Variants in MESD observed in about 807,000 individuals in gnomAD.
MESD encodes the protein mesoderm development LRP chaperone, also known as LRP chaperone MESD.
MESD carries 7 observed loss-of-function variants against 12.9 expected under a neutral mutation model. The observed-to-expected ratio is 0.54, with a 90% CI of 0.31 to 1.02. The LOEUF (loss-of-function observed/expected upper bound fraction) is 1.02, where lower values mean the gene tolerates loss of function less well. Among genes scored for constraint, MESD ranks in the 50% least tolerant of loss-of-function variants. MESD has a pLI of 0.05. For missense variants in MESD, 342 were observed against 296.7 expected (o/e 1.15, Z -1.12); for synonymous variants, 126 against 115.6 (o/e 1.09, Z -0.58).
chr15:80,955,502 A>AAAAAAAAAAAAAAAAAAAAAAAG (rs1483500188), intron 3 of MESD, among the ~76,000 whole-genome samples: 1 of 143,348 alleles, frequency 7.0e-6, no homozygotes, highest in African/African-American at 3.0e-5. Flanking sequence ...AAAAAAAAAA[A>AAAAAAAAAAAAAAAAAAAAAAAG]AAAGAAATGC....
At chr15:80,973,879 C>G (rs1336487165), downstream of MESD, among the ~76,000 whole-genome samples, 1 of 152,160 alleles carries the variant, frequency 6.6e-6, no homozygotes, top group African/African-American at 2.4e-5. Context: ...TGCCTCCTGC[C>G]TTTGCCCAAA....
chr15:80,983,389 G>C (rs768821300), intron 1 of MESD, among the ~76,000 whole-genome samples: 5 of 152,080 alleles, frequency 3.3e-5, no homozygotes, highest in Non-Finnish European at 5.9e-5. Flanking sequence ...TAGTGGTATG[G>C]GCTAGCAATT....
At chr15:80,965,970 G>C (rs543369290) in intron 3 of MESD, among the ~76,000 whole-genome samples, 58 of 151,990 alleles carry the variant, frequency 3.8e-4, no homozygotes, top group Non-Finnish European at 6.3e-4. Flanking sequence ...AAAAAGAAAA[G>C]AAAAAACAAA....
rs145472737 is a variant in MESD at position 80,982,065 on chromosome 15, C to G, written c.331G>C (p.Gly111Arg). 6 of 1,613,956 alleles carry G rather than the reference C, an allele frequency of 3.7e-6. No homozygotes were observed. The African/African-American group carries it at 6.7e-5, about 18-fold the overall frequency. Residue 111 changes from glycine (G) to arginine (R), a missense_variant, in exon 2 of 3, where the codon GGG (glycine) becomes CGG (arginine). Coordinates refer to ENST00000261758, the MANE Select transcript of MESD (RefSeq NM_015154.3). ...GTGACAAACATCATGAGAGTCTTCCCTTTTTTCGTCATTTTCAATATGCTT... is the reference window on the plus strand; with the variant it reads ...GTGACAAACATCATGAGAGTCTTCCGTTTTTTCGTCATTTTCAATATGCTT... Reference protein sequence around the residue: ...PESILKMTKKGKTLMMFVTVS... With the variant: ...PESILKMTKKRKTLMMFVTVS...
chr15:80,968,484 A>AAC (rs1031039904), intron 3 of MESD, among the ~76,000 whole-genome samples: 27 of 152,070 alleles, frequency 1.8e-4, no homozygotes, highest in African/African-American at 6.0e-4. Flanking sequence ...TGAAGCACAA[A>AAC]ACACACACAC....
intron 3 of MESD, among the ~76,000 whole-genome samples, chr15:80,955,165 AG>A (rs1901942071): frequency 6.6e-6 from 1 of 151,580 alleles, no homozygotes; most frequent in Non-Finnish European, 1.5e-5. Context: ...AGCACCACCC[AG>A]GAGTATAACC....
In MESD at chr15:80,982,187, C is replaced by T. The variant is rs753743718; in HGVS notation, c.214-5G>A. The T allele has an allele frequency of 8.1e-6, 13 of 1,611,480 alleles. No homozygotes were observed. The South Asian group carries it at 1.4e-4, about 18-fold the overall frequency. On this transcript the variant is annotated splice_polypyrimidine_tract_variant and splice_region_variant and intron_variant, in intron 1 of 2. Transcript: ENST00000261758. ...TTCTTCAATGTCATCATCTTTCTAT[C>T]AGATTAGGGGAAAAGCATCAAACCT...
intron 3 of MESD, among the ~76,000 whole-genome samples, chr15:80,969,763 G>C (rs1047764951): frequency 6.6e-6 from 1 of 152,182 alleles, no homozygotes; most frequent in Non-Finnish European, 1.5e-5. Context: ...TCTGAGGCAG[G>C]AGAATCACTT....
At chr15:80,966,642 T>G (rs972795823) in intron 3 of MESD, among the ~76,000 whole-genome samples, 2 of 152,184 alleles carry the variant, frequency 1.3e-5, no homozygotes, top group African/African-American at 4.8e-5. Flanking sequence ...CACTCATGCC[T>G]GCTCAAATCT....
At chr15:80,982,483 G>T (rs1232197692) in intron 1 of MESD, among the ~76,000 whole-genome samples, 1 of 152,132 alleles carries the variant, frequency 6.6e-6, no homozygotes. Flanking sequence ...CCACATTCTG[G>T]TATGGTCACA....
intron 4 of MESD, chr15:80,950,887 G>C (rs1168061816): frequency 2.6e-5 from 4 of 152,764 alleles, no homozygotes; most frequent in African/African-American, 9.6e-5. Flanking sequence ...TTCCTTCAAA[G>C]AGGGCCTGCC....
At chr15:80,966,551 C>T (rs1902179085) in intron 3 of MESD, among the ~76,000 whole-genome samples, 1 of 152,094 alleles carries the variant, frequency 6.6e-6, no homozygotes, top group Non-Finnish European at 1.5e-5. Flanking sequence ...TGTTCACACA[C>T]ACATGTGCAC....
Position 80,982,111 on chromosome 15 carries a change from C to G in MESD, c.285G>C (p.Lys95Asn), listed in dbSNP as rs1360484581. The G allele has an allele frequency of 2.5e-6, 4 of 1,614,136 alleles. No individual in the cohort carries two copies. The highest frequency in any genetic ancestry group is 3.4e-6 in the Non-Finnish European group (4 of 1,180,028). ...KRPSAPVDFSKIDPSKPESIL... is the reference protein window; with the variant it reads ...KRPSAPVDFSNIDPSKPESIL... Reference sequence around the variant, plus strand: ...TGCTTTCAGGCTTGCTTGGGTCTATCTTTGAGAAGTCGACAGGTGCTGAAG... The same window carrying G: ...TGCTTTCAGGCTTGCTTGGGTCTATGTTTGAGAAGTCGACAGGTGCTGAAG... The change falls in exon 2 of 3, where the codon AAG becomes AAC. Residue 95 changes from lysine (K) to asparagine (N), a missense_variant. Coordinates refer to ENST00000261758, the MANE Select transcript of MESD (RefSeq NM_015154.3).
At position 80,978,697 on chromosome 15, in the gene MESD, C is replaced by T. The variant is rs909131782; in HGVS notation, c.*522G>A. The T allele has an allele frequency of 2.6e-5, 4 of 152,662 alleles. No homozygotes were observed. The highest frequency in any genetic ancestry group is 9.7e-5 in the African/African-American group (4 of 41,440). 9.5% of individuals were successfully genotyped at this position (152,662 alleles called of 1,614,324 possible). Reference sequence around the variant, plus strand: ...TATTTTCTATTCTCCGCATTTCCTGCATAGATTTTGGATTTACACACCCTG... The same window carrying T: ...TATTTTCTATTCTCCGCATTTCCTGTATAGATTTTGGATTTACACACCCTG... On this transcript the variant is annotated 3_prime_UTR_variant, in exon 3 of 3. Transcript: ENST00000261758.
chr15:80,955,873 C>T (rs1055813563), intron 3 of MESD, among the ~76,000 whole-genome samples: 19 of 152,146 alleles, frequency 1.2e-4, no homozygotes, highest in African/African-American at 4.6e-4. Flanking sequence ...CCACCCACCT[C>T]GGCCTCCCAA....
At chr15:80,955,502 A>AAAAAAAAAAAAG (rs1483500188) in intron 3 of MESD, among the ~76,000 whole-genome samples, 1 of 143,346 alleles carries the variant, frequency 7.0e-6, no homozygotes, top group African/African-American at 3.0e-5. Flanking sequence ...AAAAAAAAAA[A>AAAAAAAAAAAAG]AAAGAAATGC....
At position 80,979,227 on chromosome 15, in the gene MESD, C is replaced by G; in HGVS notation, c.697G>C (p.Asp233His). Residue 233 changes from aspartate to histidine, a missense_variant, in exon 3 of 3, where the codon GAC (aspartate) becomes CAC (histidine). Coordinates refer to ENST00000261758, the MANE Select transcript of MESD (RefSeq NM_015154.3). ...GCGTCACTGCTGCCCCATCACAGGT[C>G]TTCTCTTTTATTCCCAGCTCGATTT... The part of the protein sequence containing the change: ...EENRAGNKRE[D>H]L 6.2e-7 allele frequency: 1 copy of G among 1,613,412 alleles called. No individual in the cohort carries two copies.
exon 5 of MESD, chr15:80,948,374 A>G (rs1901656676): frequency 6.4e-6 from 2 of 311,598 alleles, no homozygotes; most frequent in Non-Finnish European, 1.3e-5. Flanking sequence ...AGAGTGATAG[A>G]GTGGGGAAGG....
At chr15:80,959,364 G>A (rs1902045432) in intron 3 of MESD, among the ~76,000 whole-genome samples, 1 of 152,210 alleles carries the variant, frequency 6.6e-6, no homozygotes, top group Admixed American at 6.5e-5. Context: ...GATGTGTGAG[G>A]CTTCCCACGA....
Sources: gnomAD v4.1 joint callset for allele counts (sites outside exome capture counted in the v4.1 genomes callset) on GRCh38, gnomAD v4.1.1 for gene constraint, MANE v1.5 for transcripts, NCBI Gene and HGNC (gene_info 2026-07-23, HGNC 2026-07-21) for gene names.